Variants in LTF observed in about 807,000 individuals in gnomAD.
LTF encodes the protein lactotransferrin, also known as epididymis luminal protein 110.
Under a neutral mutation model 87.2 loss-of-function variants are expected in LTF, and 91 were observed. The ratio of observed to expected loss-of-function variants is 1.04; its 90% CI spans 0.88 to 1.24. LTF has a LOEUF of 1.24. LTF is among the 50% of genes most tolerant of loss of function. LTF has a pLI of 0.00. For missense variants in LTF, 901 were observed against 904.3 expected (o/e 1.00, Z 0.05); for synonymous variants, 378 against 356.1 (o/e 1.06, Z -0.69).
chr3:46,472,404 G>C (rs1485621159), intron 1 of LTF, among the ~76,000 whole-genome samples: 1 of 151,494 alleles, frequency 6.6e-6, no homozygotes, highest in Non-Finnish European at 1.5e-5. Flanking sequence ...CCTTTTTCGT[G>C]ATCAACCTAG....
At chr3:46,461,022 A>G (rs914951270) in intron 1 of LTF, among the ~76,000 whole-genome samples, 1 of 152,260 alleles carries the variant, frequency 6.6e-6, no homozygotes, top group African/African-American at 2.4e-5. Flanking sequence ...CATTTTACCA[A>G]AGAAGATATA....
Position 46,435,902 on chromosome 3 carries a change from G to A in LTF, c.*293C>T. Reference sequence around the variant, plus strand: ...TACCCAAGACTGCAAGAAAGAGGAGGGGCTGGACCTGAAAAACTTGGAAGG... The same window carrying A: ...TACCCAAGACTGCAAGAAAGAGGAGAGGCTGGACCTGAAAAACTTGGAAGG... On this transcript the variant is annotated 3_prime_UTR_variant, in exon 17 of 17. Coordinates refer to ENST00000231751, the MANE Select transcript of LTF (RefSeq NM_002343.6). The A allele has an allele frequency of 2.3e-6, 1 of 443,088 alleles. No homozygotes were observed. The highest frequency in any genetic ancestry group is 4.5e-5 in the East Asian group (1 of 22,402). The allele number at this position is 443,088 out of a possible 1,614,324, so 27.4% of individuals were successfully genotyped here.
rs6441997 is a variant in LTF, at chr3:46,464,464, G to A, written c.43+361C>T. On this transcript the variant is annotated intron_variant, in intron 1 of 16. Coordinates refer to ENST00000231751, the MANE Select transcript of LTF (RefSeq NM_002343.6). ...AGCTAGGATCTGGACTAGGGTCCTT[G>A]AGCTAGTCGCTCACCCTCTCTGAGC... Among the ~76,000 whole-genome samples, 561 of 152,290 alleles carry A rather than the reference G, an allele frequency of 3.7e-3. 5 individuals carry two copies. The highest frequency in any genetic ancestry group is 0.013 in the African/African-American group (533 of 41,562).
Position 46,459,746 on chromosome 3 carries a change from G to C in LTF, c.117C>G (p.Phe39Leu), listed in dbSNP as rs760000624. Residue 39 changes from phenylalanine to leucine, a missense_variant, in exon 2 of 17, where the codon TTC becomes TTG. Physicochemically the swap from Phe to Leu is conservative, Grantham distance 22 (BLOSUM62 0). Transcript: ENST00000231751. The stretch of plus-strand genomic sequence containing the variant: ...CTTTTCTCATATTCCTTTGCCATTG[G>C]AAGCATTTTGTGGCCTCGGGTTGGG... ...AVSQPEATKC[F>L]QWQRNMRKVR... is the part of the protein sequence containing the mutation. The C allele has an allele frequency of 1.9e-6, 3 of 1,583,042 alleles. No homozygotes were observed. In the Admixed American group the frequency reaches 5.4e-5, roughly 29 times the overall value.
rs1246377748 is a variant in LTF, at chr3:46,436,024, A to T, written c.*171T>A. The T allele has an allele frequency of 1.6e-6, 1 of 638,492 alleles. No individual in the cohort carries two copies. The highest frequency in any genetic ancestry group is 2.8e-6 in the Non-Finnish European group (1 of 358,646). 39.6% of individuals were successfully genotyped at this position (638,492 alleles called of 1,614,324 possible). ...ACTTTATAAGGAGAGAATATCAACA[A>T]AATTTCTCATTTTACTTCTTGCTAA... On this transcript the variant is annotated 3_prime_UTR_variant, in exon 17 of 17. Transcript: ENST00000231751.
rs1183089440 is a variant in LTF, at chr3:46,455,957, G to A, written c.338C>T (p.Ala113Val). Residue 113 changes from alanine (A) to valine (V), a missense_variant, in exon 4 of 17, where the codon GCC (alanine) becomes GTC (valine). Physicochemically the swap from Ala to Val is moderately conservative, Grantham distance 64 (BLOSUM62 0). Coordinates refer to ENST00000231751, the MANE Select transcript of LTF (RefSeq NM_002343.6). The part of the protein sequence containing the change: ...TERQPRTHYY[A>V]VAVVKKGGSF... The stretch of plus-strand genomic sequence containing the variant: ...GCCGCCCTTCTTCACCACAGCCACG[G>A]CATAATAGTGAGTTCGTGGCTCTGC... 2 of 1,598,122 alleles carry A rather than the reference G, an allele frequency of 1.3e-6. No individual in the cohort carries two copies. The highest frequency in any genetic ancestry group is 2.7e-5 in the African/African-American group (2 of 74,296).
rs768640889 is a variant in LTF at position 46,445,324 on chromosome 3, G to C, written c.1470C>G (p.Ile490Met). The C allele has an allele frequency of 6.2e-7, 1 of 1,613,722 alleles. No homozygotes were observed. Among genetic ancestry groups the C allele is most frequent in the Non-Finnish European group, 8.5e-7 (1 of 1,179,818 alleles). ...TCTGGTTGAAGAGCAGGCCCATGGG[G>C]ATATTCCAGCCTGCAGTCCTGTCCA... ...TAVDRTAGWN[I>M]PMGLLFNQTG... The change falls in exon 12 of 17, where the codon ATC becomes ATG. Residue 490 changes from isoleucine to methionine, a missense_variant. Ile to Met is a conservative substitution (Grantham distance 10). Transcript: ENST00000231751.
intron 5 of LTF, 25 bp from the exon 6 acceptor site, chr3:46,454,385 G>A: frequency 1.9e-6 from 3 of 1,607,936 alleles, no homozygotes; most frequent in Non-Finnish European, 2.6e-6. Flanking sequence ...ACCATCAGGG[G>A]TAAGCACAGG....
intron 8 of LTF, among the ~76,000 whole-genome samples, chr3:46,449,390 A>G (rs1702741179): frequency 6.6e-6 from 1 of 152,038 alleles, no homozygotes; most frequent in South Asian, 2.1e-4. Context: ...GACTTCCCCT[A>G]ACGCCTGCAA....
rs149369594 is a variant in LTF at position 46,438,515 on chromosome 3, G to A, written c.1909-386C>T. Among the ~76,000 whole-genome samples the A allele has an allele frequency of 4.6e-4, 70 of 152,324 alleles. No individual in the cohort carries two copies. In the East Asian group the frequency reaches 0.013, roughly 29 times the overall value. On this transcript the variant is annotated intron_variant, in intron 15 of 16. Coordinates refer to ENST00000231751, the MANE Select transcript of LTF (RefSeq NM_002343.6). Reference sequence around the variant, plus strand: ...ATATGCAGCTCTTCTAGAGAGGCAGGCTGCTAGGAAAACCCAGGCTCAGCC... The same window carrying A: ...ATATGCAGCTCTTCTAGAGAGGCAGACTGCTAGGAAAACCCAGGCTCAGCC...
chr3:46,439,203 G>T (rs1183781889), intron 15 of LTF, 93 bp downstream of exon 15: 2 of 1,217,918 alleles, frequency 1.6e-6, no homozygotes, highest in African/African-American at 1.5e-5. Context: ...GACTAGAGAG[G>T]ATCGAGTGGG....
intron 1 of LTF, among the ~76,000 whole-genome samples, chr3:46,484,651 T>C (rs1171055914): frequency 1.3e-5 from 2 of 152,148 alleles, no homozygotes; most frequent in Non-Finnish European, 2.9e-5. Context: ...CATATTGTTG[T>C]CAATCAAAAT....
At position 46,464,114 on chromosome 3, in the gene LTF, C is replaced by T. The variant is rs148304944; in HGVS notation, c.43+711G>A. Among the ~76,000 whole-genome samples the T allele has an allele frequency of 2.6e-5, 4 of 152,306 alleles. No individual in the cohort carries two copies. In the East Asian group the frequency reaches 5.8e-4, roughly 22 times the overall value. On this transcript the variant is annotated intron_variant, in intron 1 of 16. Transcript: ENST00000231751. ...CCCCTCCCGGTGCTGCAGGGAGCTCCGCACTCACGCATTTAGGTCACTAAT... is the reference window on the plus strand; with the variant it reads ...CCCCTCCCGGTGCTGCAGGGAGCTCTGCACTCACGCATTTAGGTCACTAAT...
rs79898281 is a variant in LTF at position 46,477,133 on chromosome 3, T to C, written c.-319-6667A>G. 1.2e-3 allele frequency among the ~76,000 whole-genome samples: 181 copies of C among 152,342 alleles called. 1 individual carries two copies. Among genetic ancestry groups the C allele is most frequent in the African/African-American group, 3.6e-3 (151 of 41,576 alleles). ...ATATTCCCACCAATGTATATGAGAG[T>C]TCTAGGGGCTTCACATCCTTGCCAA... On this transcript the variant is annotated intron_variant, in intron 1 of 19. Transcript: ENST00000443496.
chr3:46,475,573 C>G (rs1408197459), intron 1 of LTF, among the ~76,000 whole-genome samples: 1 of 149,640 alleles, frequency 6.7e-6, no homozygotes, highest in Non-Finnish European at 1.5e-5. Context: ...CACACCCTCT[C>G]TTCATCTACT....
chr3:46,480,495 G>A (rs561672799), intron 1 of LTF, among the ~76,000 whole-genome samples: 73 of 152,218 alleles, frequency 4.8e-4, no homozygotes, highest in East Asian at 1.5e-3. Flanking sequence ...TTCCTTGCTC[G>A]TGGACCCAGA....
chr3:46,443,105 C>T (rs1702562213), intron 13 of LTF, among the ~76,000 whole-genome samples: 1 of 152,124 alleles, frequency 6.6e-6, no homozygotes, highest in Non-Finnish European at 1.5e-5. Flanking sequence ...AGAATTCTTC[C>T]CCATAAATGG....
intron 1 of LTF, among the ~76,000 whole-genome samples, chr3:46,460,277 C>T (rs1292546401): frequency 6.6e-6 from 1 of 152,176 alleles, no homozygotes; most frequent in African/African-American, 2.4e-5. Flanking sequence ...GCTGAGAATC[C>T]ACGTCTCTCT....
chr3:46,483,079 GGGA>G (rs2106932952), intron 1 of LTF, among the ~76,000 whole-genome samples: 1 of 152,298 alleles, frequency 6.6e-6, no homozygotes, highest in African/African-American at 2.4e-5. Flanking sequence ...ATTTGGAGTT[GGGA>G]GGAGATGAAT....
Sources: allele counts gnomAD v4.1 joint callset (sites outside exome capture counted in the v4.1 genomes callset), GRCh38; gene constraint gnomAD v4.1.1; transcripts MANE v1.5; gene names NCBI Gene and HGNC (gene_info 2026-07-23, HGNC 2026-07-21).